Variants in ARGLU1 observed in about 807,000 individuals in gnomAD.
ARGLU1 encodes arginine and glutamate rich 1.
ARGLU1 carries 9 observed loss-of-function variants against 37.6 expected under a neutral mutation model. The observed-to-expected ratio is 0.24, with a 90% confidence interval of 0.14 to 0.42. The LOEUF is 0.42. ARGLU1 is among the 10% of genes least tolerant of loss of function. The pLI, the probability that ARGLU1 is intolerant of heterozygous loss-of-function variation, is 1.00. For missense variants in ARGLU1, 211 were observed against 359.2 expected (o/e 0.59, Z 3.34); for synonymous variants, 166 against 138.5 (o/e 1.20, Z -1.39).
chr13:106,568,035 T>C lies in ARGLU1; in HGVS notation c.-116A>G. The stretch of plus-strand genomic sequence containing the variant: ...ACCGAGGCCGGAGGAAAGAAAGGTG[T>C]CGGCCAACGGACTTTATGCCTTTTC... On this transcript the variant is annotated 5_prime_UTR_variant, in exon 1 of 4. Coordinates refer to ENST00000400198, the MANE Select transcript of ARGLU1 (RefSeq NM_018011.4). 7.0e-7 allele frequency: 1 copy of C among 1,423,192 alleles called. No homozygotes were observed. The highest frequency in any genetic ancestry group is 9.2e-7 in the Non-Finnish European group (1 of 1,089,826). The allele number at this position is 1,423,192 out of a possible 1,614,324, so 88.2% of individuals were successfully genotyped here. A position where few individuals can be genotyped will look rare whatever the true frequency, so the allele number is the denominator to read the frequency against.
intron 3 of ARGLU1, among the ~76,000 whole-genome samples, chr13:106,551,359 G>A (rs1880526462): frequency 6.6e-6 from 1 of 152,096 alleles, no homozygotes; most frequent in Non-Finnish European, 1.5e-5. Flanking sequence ...ATATACAACT[G>A]TAGGACACAA....
In ARGLU1 at chr13:106,544,704, C is replaced by A. The variant is rs182771848; in HGVS notation, c.658-544G>T. On this transcript the variant is annotated intron_variant, in intron 3 of 3. Transcript: ENST00000400198. ...TATAGTTGAAGGGCATACACACACA[C>A]AAAAAAACAGAAACATAGGAAAAAA... Among the ~76,000 whole-genome samples the A allele has an allele frequency of 2.0e-3, 307 of 151,888 alleles. 2 individuals are homozygous for A. Among genetic ancestry groups the A allele is most frequent in the Non-Finnish European group, 3.1e-3 (211 of 67,920 alleles).
chr13:106,558,564 G>A, intron 2 of ARGLU1: 1 of 985,426 alleles, frequency 1.0e-6, no homozygotes, highest in Non-Finnish European at 1.2e-6. Flanking sequence ...AAAGTAATTT[G>A]CCTTGAGTGT....
rs187030869 is a variant in ARGLU1 at position 106,544,246 on chromosome 13, T to C, written c.658-86A>G. The C allele has an allele frequency of 4.1e-6, 5 of 1,233,442 alleles. No individual in the cohort carries two copies. In the Admixed American group the frequency reaches 1.5e-4, roughly 38 times the overall value. 76.4% of individuals were successfully genotyped at this position (1,233,442 alleles called of 1,614,324 possible). A position where few individuals can be genotyped will look rare whatever the true frequency, so the allele number is the denominator to read the frequency against. On this transcript the variant is annotated intron_variant, in intron 3 of 3. Transcript: ENST00000400198. ...TGCAACAGGTGTTATCTATTATGTA[T>C]CTACAAAAAAATTTTTAATGCAAAT...
chr13:106,565,325 C>T (rs1880931289), intron 1 of ARGLU1, among the ~76,000 whole-genome samples: 1 of 152,162 alleles, frequency 6.6e-6, no homozygotes, highest in South Asian at 2.1e-4. Context: ...TGGCAGGAGT[C>T]GGGGGAGGAG....
In ARGLU1 at chr13:106,567,061, A is replaced by G. The variant is rs1444712993; in HGVS notation, c.347+512T>C. On this transcript the variant is annotated intron_variant, in intron 1 of 3. Coordinates refer to ENST00000400198, the MANE Select transcript of ARGLU1 (RefSeq NM_018011.4). This position sits in a 1 kb window ranked among gnomAD's most constrained non-coding sequence, Gnocchi z 4.3. The stretch of plus-strand genomic sequence containing the variant: ...TGCATTTTTCTGGCGGACCACCTAA[A>G]GTGTATGATTCCCGAGATTAGTTAA... Among the ~76,000 whole-genome samples, 2 of 152,150 alleles carry G rather than the reference A, an allele frequency of 1.3e-5. No homozygotes were observed. The highest frequency in any genetic ancestry group is 4.8e-5 in the African/African-American group (2 of 41,416).
chr13:106,551,601 A>G (rs1195411907), intron 3 of ARGLU1, among the ~76,000 whole-genome samples: 2 of 152,196 alleles, frequency 1.3e-5, no homozygotes, highest in African/African-American at 4.8e-5. Flanking sequence ...ACCACAAACT[A>G]AACAGCTCAA....
intron 3 of ARGLU1, among the ~76,000 whole-genome samples, chr13:106,545,737 AAGAT>A (rs780018793): frequency 6.6e-6 from 1 of 152,222 alleles, no homozygotes; most frequent in Non-Finnish European, 1.5e-5. Flanking sequence ...CGTAGACTAA[AAGAT>A]AGGTGTTGGA....
At chr13:106,566,689 C>T (rs186367158) in intron 1 of ARGLU1, among the ~76,000 whole-genome samples, 59 of 152,260 alleles carry the variant, frequency 3.9e-4, no homozygotes, top group African/African-American at 1.4e-3. Context: ...TACTTGAGAG[C>T]TGACATTTTC....
chr13:106,566,274 T>C (rs1282388908), intron 1 of ARGLU1, among the ~76,000 whole-genome samples: 1 of 150,372 alleles, frequency 6.7e-6, no homozygotes, highest in Non-Finnish European at 1.5e-5. Flanking sequence ...TCTGTAATAT[T>C]AGTGCTCCAG....
chr13:106,543,864 C>T lies in ARGLU1; in HGVS notation c.*132G>A. 1.3e-6 allele frequency: 1 copy of T among 785,674 alleles called. No individual in the cohort carries two copies. Among genetic ancestry groups the T allele is most frequent in the Non-Finnish European group, 1.9e-6 (1 of 515,844 alleles). The allele number at this position is 785,674 out of a possible 1,614,324, so 48.7% of individuals were successfully genotyped here. On this transcript the variant is annotated 3_prime_UTR_variant, in exon 4 of 4. Transcript: ENST00000400198. ...AAAAGGGAATTGCAGAGCATAGCCC[C>T]TATTAGAACAAGCTAACTTTCCAGA...
Position 106,559,441 on chromosome 13 carries a change from T to C in ARGLU1, c.564A>G (p.Lys188=), listed in dbSNP as rs1880739642. 1 of 1,614,136 alleles carries C rather than the reference T, an allele frequency of 6.2e-7. No homozygotes were observed. Among genetic ancestry groups the C allele is most frequent in the Non-Finnish European group, 8.5e-7 (1 of 1,180,034 alleles). ...RQRQAELAAQ[K]AREEEERAKR... ...AACGACCGAGCGTTACCTCTCTAGC[T>C]TTTTGTGCGGCAAGCTCAGCTTGTC... Residue 188 remains lysine, a synonymous_variant, in exon 2 of 4, where the codon AAA becomes AAG. Transcript: ENST00000400198.
intron 3 of ARGLU1, among the ~76,000 whole-genome samples, chr13:106,551,158 C>A (rs556128530): frequency 6.6e-6 from 1 of 152,198 alleles, no homozygotes; most frequent in Admixed American, 6.5e-5. Context: ...TAACAGTGAA[C>A]ACCTTTTGCC....
At chr13:106,546,499 A>AG (rs1880393669) in intron 3 of ARGLU1, among the ~76,000 whole-genome samples, 2 of 152,152 alleles carry the variant, frequency 1.3e-5, no homozygotes, top group Admixed American at 6.5e-5. Flanking sequence ...TCTCTTCCTT[A>AG]GGCTTTCACT....
chr13:106,555,132 T>A (rs1037560399), intron 3 of ARGLU1, among the ~76,000 whole-genome samples: 1 of 151,504 alleles, frequency 6.6e-6, no homozygotes, highest in Admixed American at 6.6e-5. Context: ...CCAAGGCGGG[T>A]GGATCACCTG....
In ARGLU1 at chr13:106,559,477, G is replaced by A. The variant is rs973632923; in HGVS notation, c.528C>T (p.Leu176=). 6 of 1,613,924 alleles carry A rather than the reference G, an allele frequency of 3.7e-6. No homozygotes were observed. The highest frequency in any genetic ancestry group is 2.7e-5 in the African/African-American group (2 of 74,876). The change falls in exon 2 of 4, where the codon CTC becomes CTT. Residue 176 remains leucine, a synonymous_variant. Transcript: ENST00000400198. The stretch of plus-strand genomic sequence containing the variant: ...CAAGCTCAGCTTGTCTCTGTCGCTC[G>A]AGTTCTTCGAGCAACTGCTTTTCCA... ...RIMEKQLLEE[L]ERQRQAELAA... is the part of the protein sequence containing the mutation.
chr13:106,562,784 G>A (rs938064005), intron 1 of ARGLU1, among the ~76,000 whole-genome samples: 2 of 150,498 alleles, frequency 1.3e-5, no homozygotes, highest in African/African-American at 2.5e-5. Context: ...GAGGTCAGGA[G>A]ATCGAGACCA....
intron 3 of ARGLU1, among the ~76,000 whole-genome samples, chr13:106,550,258 GCCC>G (rs1880501743): frequency 6.6e-6 from 1 of 152,040 alleles, no homozygotes; most frequent in South Asian, 2.1e-4. Context: ...GTGATTCAAG[GCCC>G]CATCTTTTGA....
rs1385152372 is a variant in ARGLU1 at position 106,562,940 on chromosome 13, G to GCCACTGCA, written c.348-3291_348-3284dup. ...AGGCAGGAGAATGAGCTGAGATTGC[G>GCCACTGCA]CCACTGCACCACTGCACTCCAGCCT... On this transcript the variant is annotated intron_variant, in intron 1 of 3. Coordinates refer to ENST00000400198, the MANE Select transcript of ARGLU1 (RefSeq NM_018011.4). Among the ~76,000 whole-genome samples, 13 of 135,474 alleles carry GCCACTGCA rather than the reference G, an allele frequency of 9.6e-5. No homozygotes were observed. The East Asian group carries it at 1.1e-3, about 12-fold the overall frequency. The allele number at this position is 135,474 out of a possible 152,430, so 88.9% of individuals were successfully genotyped here. A position where few individuals can be genotyped will look rare whatever the true frequency, so the allele number is the denominator to read the frequency against.
Sources: gnomAD v4.1 joint callset for allele counts (sites outside exome capture counted in the v4.1 genomes callset) on GRCh38, gnomAD v4.1.1 for gene constraint, Gnocchi (gnomAD v3.1) non-coding constraint, MANE v1.5 for transcripts, NCBI Gene and HGNC (gene_info 2026-07-23, HGNC 2026-07-21) for gene names.